KCMF1: variants seen among roughly 807,000 people sequenced by gnomAD.
The protein encoded by KCMF1 is E3 ubiquitin-protein ligase KCMF1.
A neutral mutation model predicts 41.1 loss-of-function variants in KCMF1; 3 were observed. That is an observed-to-expected ratio of 0.07 (90% CI 0.03 to 0.19). The LOEUF is 0.19. Ranked by LOEUF, KCMF1 falls within the 10% of genes least tolerant of loss-of-function variation. The pLI is 1.00. For synonymous variants in KCMF1, 142 were observed against 164.5 expected, an observed-to-expected ratio of 0.86 and a Z score of 1.04; for missense variants, 286 against 488.9, an observed-to-expected ratio of 0.58 and a Z score of 3.91.
intron 1 of KCMF1, among the ~76,000 whole-genome samples, chr2:85,005,551 A>G (rs767927170): frequency 1.3e-5 from 2 of 151,924 alleles, no homozygotes; most frequent in Non-Finnish European, 2.9e-5. Context: ...CGGCCTCCCA[A>G]AGTGCTGGGA....
intron 1 of KCMF1, among the ~76,000 whole-genome samples, chr2:85,014,724 C>CGTGTGTGTGTGT (rs72066261): frequency 2.9e-5 from 4 of 138,304 alleles, no homozygotes; most frequent in South Asian, 4.5e-4. Context: ...TGCGTGCGTG[C>CGTGTGTGTGTGT]GTGTGTGTGT....
chr2:85,000,402 C>T (rs563801585), intron 1 of KCMF1, among the ~76,000 whole-genome samples: 5 of 152,270 alleles, frequency 3.3e-5, no homozygotes, highest in Admixed American at 6.5e-5. Flanking sequence ...GGATTACAGC[C>T]GTAAGCCACT....
intron 2 of KCMF1, among the ~76,000 whole-genome samples, chr2:85,030,298 C>A (rs138418694): frequency 1.3e-5 from 2 of 151,912 alleles, no homozygotes; most frequent in Admixed American, 6.6e-5. Context: ...TGTGTTTTCA[C>A]TTTCTTGGTG....
intron 1 of KCMF1, among the ~76,000 whole-genome samples, chr2:84,998,151 G>A (rs1368520783): frequency 6.6e-6 from 1 of 151,650 alleles, no homozygotes; most frequent in Non-Finnish European, 1.5e-5. Flanking sequence ...GAGTGCAGTG[G>A]TGTGATTTTG....
chr2:84,973,154 G>A (rs1431516331), intron 1 of KCMF1, among the ~76,000 whole-genome samples: 1 of 152,176 alleles, frequency 6.6e-6, no homozygotes, highest in African/African-American at 2.4e-5. Context: ...AAACTGGGAG[G>A]GTTAGTTAGA....
At chr2:85,030,466 G>C (rs1675239668) in intron 2 of KCMF1, among the ~76,000 whole-genome samples, 1 of 151,838 alleles carries the variant, frequency 6.6e-6, no homozygotes, top group South Asian at 2.1e-4. Flanking sequence ...TATAGTTTTA[G>C]CTCTTACATT....
intron 1 of KCMF1, among the ~76,000 whole-genome samples, chr2:85,025,731 C>A (rs1371937375): frequency 6.6e-6 from 1 of 152,032 alleles, no homozygotes; most frequent in African/African-American, 2.4e-5. Context: ...CCCTCAGCCA[C>A]CCGAGTAGCT....
intron 1 of KCMF1, among the ~76,000 whole-genome samples, chr2:85,013,753 A>C (rs1235115193): frequency 6.6e-6 from 1 of 150,806 alleles, no homozygotes; most frequent in Non-Finnish European, 1.5e-5. Flanking sequence ...AGCCGAGATC[A>C]CACCACTGTG....
chr2:84,999,452 CATTT>C (rs1202594769), intron 1 of KCMF1, among the ~76,000 whole-genome samples: 1 of 152,160 alleles, frequency 6.6e-6, no homozygotes, highest in Non-Finnish European at 1.5e-5. Context: ...CACCCGGCCT[CATTT>C]ATTTTTTATA....
At chr2:84,972,725 A>G (rs756200094) in intron 1 of KCMF1, among the ~76,000 whole-genome samples, 4 of 152,244 alleles carry the variant, frequency 2.6e-5, no homozygotes, top group Non-Finnish European at 2.9e-5. Flanking sequence ...TTAAAATTGT[A>G]TTTAGAACAA....
At chr2:85,011,799 C>G (rs1674658044) in intron 1 of KCMF1, among the ~76,000 whole-genome samples, 1 of 152,184 alleles carries the variant, frequency 6.6e-6, no homozygotes, top group Admixed American at 6.6e-5. Flanking sequence ...GGTTTCTCAG[C>G]CTTGGCATCG....
intron 1 of KCMF1, among the ~76,000 whole-genome samples, chr2:85,012,660 A>C (rs2104006176): frequency 6.6e-6 from 1 of 152,308 alleles, no homozygotes; most frequent in Non-Finnish European, 1.5e-5. Context: ...AATCAGACTC[A>C]CATGCCTCCT....
intron 1 of KCMF1, among the ~76,000 whole-genome samples, chr2:85,016,222 T>A (rs1674765649): frequency 6.6e-6 from 1 of 152,190 alleles, no homozygotes; most frequent in Non-Finnish European, 1.5e-5. Flanking sequence ...ATTTCATTTC[T>A]CTTTCTCTGC....
intron 1 of KCMF1, among the ~76,000 whole-genome samples, chr2:84,983,248 C>G (rs1673810139): frequency 6.6e-6 from 1 of 152,192 alleles, no homozygotes; most frequent in African/African-American, 2.4e-5. Context: ...TAACAACCCA[C>G]TATATCCAAA....
chr2:85,008,312 T>TATATAATATATAATATATA (rs372495671), intron 1 of KCMF1, among the ~76,000 whole-genome samples: 1 of 18,108 alleles, frequency 5.5e-5, no homozygotes, highest in African/African-American at 8.9e-5. Flanking sequence ...TATAATATGA[T>TATATAATATATAATATATA]ATATATATCA....
intron 1 of KCMF1, among the ~76,000 whole-genome samples, chr2:85,026,003 T>C (rs1263855088): frequency 6.6e-6 from 1 of 151,974 alleles, no homozygotes; most frequent in Non-Finnish European, 1.5e-5. Flanking sequence ...TTAAAAATAT[T>C]TTTTAAAGAC....
chr2:85,008,398 T>G (rs556882231), intron 1 of KCMF1, among the ~76,000 whole-genome samples: 22 of 49,344 alleles, frequency 4.5e-4, no homozygotes, highest in African/African-American at 7.5e-4. Context: ...TGATATATAT[T>G]ATATATCATA....
intron 1 of KCMF1, among the ~76,000 whole-genome samples, chr2:84,985,409 C>T (rs1673876148): frequency 1.3e-5 from 2 of 152,318 alleles, no homozygotes; most frequent in South Asian, 4.1e-4. Flanking sequence ...TACAAACTTT[C>T]CCTACATTTA....
chr2:84,982,656 C>T (rs764947427), intron 1 of KCMF1, among the ~76,000 whole-genome samples: 1 of 152,024 alleles, frequency 6.6e-6, no homozygotes, highest in Non-Finnish European at 1.5e-5. Flanking sequence ...GCCTTCGCCA[C>T]CCAAAGTGCT....
Sources: gnomAD v4.1 joint callset for allele counts (sites outside exome capture counted in the v4.1 genomes callset) on GRCh38, gnomAD v4.1.1 for gene constraint, MANE v1.5 for transcripts, NCBI Gene and HGNC (gene_info 2026-07-23, HGNC 2026-07-21) for gene names.